RFC1: variants seen among roughly 807,000 people sequenced by gnomAD.
RFC1 encodes the protein replication factor C subunit 1.
In RFC1, 37 loss-of-function variants were observed where a neutral mutation model predicts 137.4. The ratio of observed to expected loss-of-function variants is 0.27; its 90% CI spans 0.21 to 0.35. RFC1 has a LOEUF of 0.35. RFC1 is among the 10% of genes least tolerant of loss of function. The pLI is 1.00. For synonymous variants in RFC1, 429 were observed against 455.7 expected (o/e 0.94, Z 0.75); for missense variants, 1,205 against 1,358.5 (o/e 0.89, Z 1.78).
At chr4:39,305,400 A>G (rs1242549638) in intron 14 of RFC1, among the ~76,000 whole-genome samples, 1 of 152,144 alleles carries the variant, frequency 6.6e-6, no homozygotes, top group African/African-American at 2.4e-5. Context: ...TGAGGTCAGG[A>G]GTTTGAAACC....
rs768342194 is a variant in RFC1, at chr4:39,292,619, T to TTTAC, written c.2955-768_2955-767insGTAA. On this transcript the variant is annotated intron_variant, in intron 22 of 24. Coordinates refer to ENST00000349703, the MANE Select transcript of RFC1 (RefSeq NM_002913.5). ...ACCAGGCATTTATATGTATACATTATTTATTTATTTATTTATTTATTTATT... is the reference window on the plus strand; with the variant it reads ...ACCAGGCATTTATATGTATACATTATTTACTTATTTATTTATTTATTTATTTATT... 8.2e-3 allele frequency among the ~76,000 whole-genome samples: 453 copies of TTTAC among 55,064 alleles called. 4 individuals are homozygous for TTTAC. Among genetic ancestry groups the TTTAC allele is most frequent in the Non-Finnish European group, 0.021 (376 of 18,142 alleles). 36.1% of individuals were successfully genotyped at this position (55,064 alleles called of 152,430 possible).
At chr4:39,306,851 C>A in intron 13 of RFC1, 150 bp from the exon 14 acceptor site, 2 of 616,848 alleles carry the variant, frequency 3.2e-6, no homozygotes, top group African/African-American at 1.8e-5. Flanking sequence ...AAAGCATAAA[C>A]AAGTTTCCAG....
rs549951885 is a variant in RFC1, at chr4:39,289,894, G to C, written c.3314C>G (p.Ser1105Cys). 6.2e-7 allele frequency: 1 copy of C among 1,613,256 alleles called. No homozygotes were observed. Among genetic ancestry groups the C allele is most frequent in the Admixed American group, 1.7e-5 (1 of 60,020 alleles). ...TATAGCATCTTGGTCTTTCTCATCA[G>C]ATTGAGAGTCATCTTCATTTAATTC... Reference protein sequence around the residue: ...NEELNEDDSQSDEKDQDAIET... With the variant: ...NEELNEDDSQCDEKDQDAIET... The change falls in exon 24 of 25, where the codon TCT becomes TGT. Residue 1105 changes from serine (S) to cysteine (C), a missense_variant. Coordinates refer to ENST00000349703, the MANE Select transcript of RFC1 (RefSeq NM_002913.5).
Position 39,321,383 on chromosome 4 carries a change from A to G in RFC1, c.721-9T>C. 2 of 1,610,836 alleles carry G rather than the reference A, an allele frequency of 1.2e-6. No individual in the cohort carries two copies. The highest frequency in any genetic ancestry group is 1.7e-6 in the Non-Finnish European group (2 of 1,178,282). On this transcript the variant is annotated splice_polypyrimidine_tract_variant and intron_variant, in intron 7 of 24. Transcript: ENST00000349703. ...TCTGTGTCCTTTCGAGCCTAAACAA[A>G]TTTTAAAAGTGTCAAATGTGACAAA...
At chr4:39,320,977 A>G (rs908153704) in intron 8 of RFC1, among the ~76,000 whole-genome samples, 2 of 152,218 alleles carry the variant, frequency 1.3e-5, no homozygotes, top group Non-Finnish European at 2.9e-5. Context: ...TCTGACATGA[A>G]AAGCTCAAAA....
At chr4:39,338,142 A>C (rs909722155) in intron 4 of RFC1, among the ~76,000 whole-genome samples, 3 of 152,246 alleles carry the variant, frequency 2.0e-5, no homozygotes, top group Admixed American at 1.3e-4. Context: ...ACTAGAGTCA[A>C]TAGTTGGCTA....
rs146583450 is a variant in RFC1, at chr4:39,355,435, A to AAC, written c.4-3961_4-3960dup. Reference sequence around the variant, plus strand: ...GCAACAGAGCAATAACCTATCTTAAAACACACACACACACAAAACTTGTAA... The same window carrying AAC: ...GCAACAGAGCAATAACCTATCTTAAAACACACACACACACACAAAACTTGTAA... On this transcript the variant is annotated intron_variant, in intron 1 of 24. Coordinates refer to ENST00000349703, the MANE Select transcript of RFC1 (RefSeq NM_002913.5). Among the ~76,000 whole-genome samples, 144 of 145,524 alleles carry AAC rather than the reference A, an allele frequency of 9.9e-4. 1 individual carries two copies. In the East Asian group the frequency reaches 0.015, roughly 15 times the overall value.
intron 4 of RFC1, among the ~76,000 whole-genome samples, chr4:39,332,221 G>A (rs141436291): frequency 2.1e-3 from 324 of 152,098 alleles, no homozygotes; most frequent in African/African-American, 7.3e-3. Flanking sequence ...CCTTTTCTCC[G>A]TCTAATGTTT....
chr4:39,323,600 A>G (rs1739626667), intron 6 of RFC1, among the ~76,000 whole-genome samples, 183 bp from the exon 7 acceptor site: 1 of 152,246 alleles, frequency 6.6e-6, no homozygotes, highest in Non-Finnish European at 1.5e-5. Context: ...AAGCTGAATC[A>G]GATTTTGGAA....
chr4:39,301,529 G>C (rs1161239260), intron 19 of RFC1, among the ~76,000 whole-genome samples: 2 of 152,200 alleles, frequency 1.3e-5, no homozygotes, highest in Admixed American at 6.5e-5. Flanking sequence ...GTGCGTGTGA[G>C]GGGGACATGA....
intron 4 of RFC1, among the ~76,000 whole-genome samples, chr4:39,338,512 C>T (rs1234544758): frequency 1.3e-5 from 2 of 152,232 alleles, no homozygotes; most frequent in Non-Finnish European, 2.9e-5. Flanking sequence ...TTAATTTTAA[C>T]TGTATATTTT....
At chr4:39,352,976 C>A (rs1328016266) in intron 1 of RFC1, among the ~76,000 whole-genome samples, 7 of 152,012 alleles carry the variant, frequency 4.6e-5, no homozygotes, top group Non-Finnish European at 1.0e-4. Flanking sequence ...TTTCCTAGAT[C>A]CTGACAATAA....
At chr4:39,313,535 T>C (rs947891605) in intron 10 of RFC1, among the ~76,000 whole-genome samples, 2 of 152,228 alleles carry the variant, frequency 1.3e-5, no homozygotes, top group Non-Finnish European at 2.9e-5. Flanking sequence ...ATCTTAACTG[T>C]AAGTTGAAGG....
chr4:39,316,205 G>A (rs11722387), intron 10 of RFC1, among the ~76,000 whole-genome samples: 80,687 of 152,084 alleles, frequency 0.53, 22,581 homozygotes, highest in African/African-American at 0.71. Context: ...ACTCCAGCCT[G>A]GGCAACAGGA....
chr4:39,339,822 G>A (rs148412060), intron 4 of RFC1, among the ~76,000 whole-genome samples: 205 of 152,016 alleles, frequency 1.3e-3, no homozygotes, highest in African/African-American at 4.2e-3. Context: ...GTTCCCATAC[G>A]AGACCACACA....
intron 7 of RFC1, chr4:39,322,263 C>A (rs1578136924): frequency 6.6e-6 from 1 of 152,068 alleles, no homozygotes; most frequent in East Asian, 1.9e-4. Context: ...AAATTATTAG[C>A]TGGGTGTGGT....
At position 39,317,021 on chromosome 4, in the gene RFC1, G is replaced by T; in HGVS notation, c.1097C>A (p.Ser366Tyr). 1 of 1,605,102 alleles carries T rather than the reference G, an allele frequency of 6.2e-7. No homozygotes were observed. The highest frequency in any genetic ancestry group is 1.1e-5 in the South Asian group (1 of 90,642). Reference sequence around the variant, plus strand: ...CTTTTCAGAATCTTCAGGACTTACAGACTTTGGGAACAGGGAAAGGAAAAT... The same window carrying T: ...CTTTTCAGAATCTTCAGGACTTACATACTTTGGGAACAGGGAAAGGAAAAT... ...KTKSSPAKKE[S>Y]VSPEDSEKKR... is the part of the protein sequence containing the mutation. Residue 366 changes from serine to tyrosine, a missense_variant and splice_region_variant, in exon 10 of 25, where the codon TCT (serine) becomes TAT (tyrosine). Coordinates refer to ENST00000349703, the MANE Select transcript of RFC1 (RefSeq NM_002913.5).
intron 14 of RFC1, among the ~76,000 whole-genome samples, chr4:39,306,083 T>C (rs1162928054): frequency 6.6e-6 from 1 of 152,174 alleles, no homozygotes; most frequent in Non-Finnish European, 1.5e-5. Context: ...TCCCATTGTC[T>C]ACAGGGATTC....
At chr4:39,365,455 G>A (rs1400764885) in intron 1 of RFC1, 2 of 984,524 alleles carry the variant, frequency 2.0e-6, no homozygotes, top group Non-Finnish European at 2.4e-6. Context: ...CATATCCATT[G>A]CCATACCATC....
Sources: allele counts gnomAD v4.1 joint callset (sites outside exome capture counted in the v4.1 genomes callset), GRCh38; gene constraint gnomAD v4.1.1; transcripts MANE v1.5; gene names NCBI Gene and HGNC (gene_info 2026-07-23, HGNC 2026-07-21).